The following ARMC3 variants were observed in gnomAD, a reference collection of about 807,000 sequenced individuals.
ARMC3 encodes the protein armadillo repeat-containing protein 3.
ARMC3 carries 74 observed loss-of-function variants against 90.3 expected under a neutral mutation model. The observed-to-expected ratio is 0.82, with a 90% CI of 0.68 to 0.99. ARMC3 has a LOEUF of 0.99. ARMC3 is among the 50% of genes least tolerant of loss of function. ARMC3 has a pLI of 0.00. For missense variants in ARMC3, 958 were observed against 1,042.8 expected, an observed-to-expected ratio of 0.92 and a Z score of 1.12; for synonymous variants, 334 against 361.8, an observed-to-expected ratio of 0.92 and a Z score of 0.87.
At chr10:22,958,883 G>A (rs1296781513) in intron 4 of ARMC3, among the ~76,000 whole-genome samples, 187 bp from the exon 5 acceptor site, 1 of 151,990 alleles carries the variant, frequency 6.6e-6, no homozygotes, top group Non-Finnish European at 1.5e-5. Context: ...CACCATACCT[G>A]GCTAATTTTT....
intron 16 of ARMC3, among the ~76,000 whole-genome samples, chr10:23,020,923 A>G (rs908289462): frequency 6.6e-6 from 1 of 152,156 alleles, no homozygotes; most frequent in Non-Finnish European, 1.5e-5. Context: ...GCCCAATACC[A>G]ACAGGTAGGT....
chr10:22,962,496 C>A (rs1835242508), intron 7 of ARMC3, among the ~76,000 whole-genome samples: 1 of 152,172 alleles, frequency 6.6e-6, no homozygotes, highest in Non-Finnish European at 1.5e-5. Context: ...CTTCTGGGAT[C>A]TCCTGGTTAG....
At chr10:22,994,502 A>G (rs902690182) in intron 10 of ARMC3, among the ~76,000 whole-genome samples, 8 of 152,218 alleles carry the variant, frequency 5.3e-5, no homozygotes, top group African/African-American at 1.9e-4. Context: ...GTTTGGGACT[A>G]GCCTGGGCAA....
At chr10:22,987,828 T>A (rs999949323) in intron 10 of ARMC3, among the ~76,000 whole-genome samples, 1 of 152,240 alleles carries the variant, frequency 6.6e-6, no homozygotes, top group South Asian at 2.1e-4. Context: ...ATGACAGCAG[T>A]GACCCAAGAA....
rs1055816357 is a variant in ARMC3, at chr10:23,018,456, G to A, written c.2045+9525G>A. 2.6e-5 allele frequency among the ~76,000 whole-genome samples: 4 copies of A among 151,344 alleles called. No homozygotes were observed. In the South Asian group the frequency reaches 6.3e-4, roughly 24 times the overall value. On this transcript the variant is annotated intron_variant, in intron 16 of 18. Transcript: ENST00000298032. ...CTGTGGCTCAGCTGAGAGCCTGTGTGCTTCAAAACCAAAAAGGCATCTATA... is the reference window on the plus strand; with the variant it reads ...CTGTGGCTCAGCTGAGAGCCTGTGTACTTCAAAACCAAAAAGGCATCTATA...
Position 23,004,514 on chromosome 10 carries a change from C to T in ARMC3, c.1731+1100C>T, listed in dbSNP as rs1044479791. On this transcript the variant is annotated intron_variant, in intron 13 of 18. Coordinates refer to ENST00000298032, the MANE Select transcript of ARMC3 (RefSeq NM_173081.5). ...AAGCAAGCACCACTAACACTGTATC[C>T]TTCCTGAGGTCATGGGAAAACTCAG... Among the ~76,000 whole-genome samples, 3 of 152,116 alleles carry T rather than the reference C, an allele frequency of 2.0e-5. No individual in the cohort carries two copies. In the South Asian group the frequency reaches 6.2e-4, roughly 32 times the overall value.
chr10:22,981,675 A>G lies in ARMC3; in HGVS notation c.1150A>G (p.Thr384Ala). The stretch of plus-strand genomic sequence containing the variant: ...AGCAGCTCTAGCCCTGGCAAACCTA[A>G]CCACTTGCAACCCTGCTAATGCAAA... ...EAAALALANL[T>A]TCNPANANAA... Residue 384 changes from threonine to alanine, a missense_variant, in exon 10 of 19, where the codon ACC becomes GCC. Coordinates refer to ENST00000298032, the MANE Select transcript of ARMC3 (RefSeq NM_173081.5). 1 of 1,613,890 alleles carries G rather than the reference A, an allele frequency of 6.2e-7. No homozygotes were observed. Among genetic ancestry groups the G allele is most frequent in the Non-Finnish European group, 8.5e-7 (1 of 1,179,916 alleles).
intron 16 of ARMC3, among the ~76,000 whole-genome samples, chr10:23,020,605 T>C (rs1374014484): frequency 1.3e-5 from 2 of 152,248 alleles, no homozygotes; most frequent in Non-Finnish European, 2.9e-5. Context: ...TTGCTGGCAC[T>C]TGGGATTGTT....
intron 10 of ARMC3, 105 bp downstream of exon 10, chr10:22,981,805 C>A: frequency 1.0e-6 from 1 of 979,728 alleles, no homozygotes; most frequent in Non-Finnish European, 1.6e-6. Flanking sequence ...TGAATTTCTT[C>A]AGATGGTCTA....
chr10:22,933,580 G>C (rs1351089270), intron 2 of ARMC3, among the ~76,000 whole-genome samples: 2 of 152,076 alleles, frequency 1.3e-5, no homozygotes, highest in Non-Finnish European at 2.9e-5. Context: ...TTGACCAATG[G>C]TCCTTACTTT....
chr10:22,956,062 C>T, intron 4 of ARMC3, 130 bp downstream of exon 4: 1 of 825,540 alleles, frequency 1.2e-6, no homozygotes, highest in Non-Finnish European at 1.8e-6. Context: ...AACATTTTAT[C>T]AGTATAATGC....
Position 23,001,970 on chromosome 10 carries a change from AATG to A in ARMC3, c.1482_1484del (p.Asp494del). 6.2e-7 allele frequency: 1 copy of A among 1,613,952 alleles called. No individual in the cohort carries two copies. Among genetic ancestry groups the A allele is most frequent in the South Asian group, 1.1e-5 (1 of 91,072 alleles). Reference sequence around the variant, plus strand: ...CCTGGTAGAGCTGCTACGCTCCAAGAATGATGAAGTGAGGAAGCACGCCAGTTG... The same window carrying A: ...CCTGGTAGAGCTGCTACGCTCCAAGAATGAAGTGAGGAAGCACGCCAGTTG... On this transcript the variant is annotated inframe_deletion, in exon 12 of 19. Coordinates refer to ENST00000298032, the MANE Select transcript of ARMC3 (RefSeq NM_173081.5).
chr10:22,996,162 T>C (rs1836941987), intron 10 of ARMC3, among the ~76,000 whole-genome samples: 1 of 152,214 alleles, frequency 6.6e-6, no homozygotes, highest in Admixed American at 6.5e-5. Context: ...TTTAACATTT[T>C]TGCTGGCAGT....
chr10:22,928,912 A>C (rs997427353), intron 1 of ARMC3, among the ~76,000 whole-genome samples: 2 of 152,236 alleles, frequency 1.3e-5, no homozygotes, highest in African/African-American at 4.8e-5. Context: ...AAGTTGAGGC[A>C]GGATGTTAAA....
intron 18 of ARMC3, among the ~76,000 whole-genome samples, chr10:23,034,519 C>T (rs1314850411): frequency 6.6e-6 from 1 of 152,120 alleles, no homozygotes; most frequent in Non-Finnish European, 1.5e-5. Flanking sequence ...GAAATTTGAG[C>T]CCACGCCTAC....
rs766106981 is a variant in ARMC3, at chr10:22,968,381, AT to A, written c.810del (p.Gln271SerfsTer52). The A allele has an allele frequency of 1.9e-6, 3 of 1,614,014 alleles. No individual in the cohort carries two copies. The South Asian group carries it at 3.3e-5, about 18-fold the overall frequency. On this transcript the variant is annotated frameshift_variant, in exon 8 of 19. Coordinates refer to ENST00000298032, the MANE Select transcript of ARMC3 (RefSeq NM_173081.5). LOFTEE classifies it high-confidence loss of function. The part of the protein sequence containing the change: ...CLEDMDTMVQ[I>X]QQTGGLKKLL... ...TGAAGACATGGATACTATGGTGCAG[AT>A]TCAGCAGACAGGGGGTCTTAAAAAG...
intron 10 of ARMC3, among the ~76,000 whole-genome samples, chr10:22,982,124 C>T (rs1251076032): frequency 1.3e-5 from 2 of 152,224 alleles, no homozygotes; most frequent in East Asian, 3.8e-4. Context: ...CACCTGTAAT[C>T]TCAGCACTTT....
Position 23,037,595 on chromosome 10 carries a change from A to C in ARMC3, c.*116A>C. ...TAAAAACTTTAAATAAAAGTATTAG[A>C]AATGTTTTCTCTGCGTAGAAATTAG... is the stretch of plus-strand genomic sequence containing the variant. On this transcript the variant is annotated 3_prime_UTR_variant, in exon 19 of 19. Coordinates refer to ENST00000298032, the MANE Select transcript of ARMC3 (RefSeq NM_173081.5). 1.0e-6 allele frequency: 1 copy of C among 961,238 alleles called. No individual in the cohort carries two copies. The highest frequency in any genetic ancestry group is 1.4e-6 in the Non-Finnish European group (1 of 696,814). The allele number at this position is 961,238 out of a possible 1,614,324, so 59.5% of individuals were successfully genotyped here.
intron 10 of ARMC3, 103 bp downstream of exon 10, chr10:22,981,803 T>A (rs898736063): frequency 2.0e-6 from 2 of 995,498 alleles, no homozygotes; most frequent in African/African-American, 3.2e-5. Context: ...TATGAATTTC[T>A]TCAGATGGTC....
Sources: allele counts gnomAD v4.1 joint callset (sites outside exome capture counted in the v4.1 genomes callset), GRCh38; gene constraint gnomAD v4.1.1; transcripts MANE v1.5; gene names NCBI Gene and HGNC (gene_info 2026-07-23, HGNC 2026-07-21).